GTF2H5: variants seen among roughly 807,000 people sequenced by gnomAD.
GTF2H5 encodes the protein general transcription factor IIH subunit 5, also known as TFB5 ortholog.
GTF2H5 carries 5 observed loss-of-function variants against 7.1 expected under a neutral mutation model. The observed-to-expected ratio is 0.71, with a 90% confidence interval of 0.37 to 1.49. The LOEUF is 1.49. Ranked by LOEUF, GTF2H5 falls within the 40% of genes most tolerant of loss-of-function variation. The pLI, the probability that GTF2H5 is intolerant of heterozygous loss-of-function variation, is 0.03. For synonymous variants in GTF2H5, 30 were observed against 31.7 expected (o/e 0.95, Z 0.18); for missense variants, 80 against 83.0 (o/e 0.96, Z 0.14).
chr6:158,182,643 A>G (rs749001267), intron 2 of GTF2H5, among the ~76,000 whole-genome samples: 2 of 151,744 alleles, frequency 1.3e-5, no homozygotes, highest in African/African-American at 2.4e-5. Context: ...AATCAATGAT[A>G]TCCTTTCTTC....
intron 1 of GTF2H5, among the ~76,000 whole-genome samples, chr6:158,169,935 G>A (rs1488041219): frequency 3.3e-5 from 5 of 149,812 alleles, no homozygotes; most frequent in South Asian, 2.1e-4. Flanking sequence ...TGGGAGGATC[G>A]CTTGAACCCA....
chr6:158,179,495 C>T (rs1400114210), intron 2 of GTF2H5, among the ~76,000 whole-genome samples: 2 of 151,246 alleles, frequency 1.3e-5, no homozygotes, highest in Admixed American at 1.3e-4. Context: ...ATGTTTTTCC[C>T]TTTGTGTCCT....
chr6:158,192,374 A>G lies in GTF2H5; in HGVS notation c.*217A>G, dbSNP rs1295412229. Reference sequence around the variant, plus strand: ...AAAAAAAGCTTTAACAGTTGGCTGTAATTTGGCTTTTATTATCCTTTATTA... The same window carrying G: ...AAAAAAAGCTTTAACAGTTGGCTGTGATTTGGCTTTTATTATCCTTTATTA... On this transcript the variant is annotated 3_prime_UTR_variant, in exon 3 of 3. Coordinates refer to ENST00000607778, the MANE Select transcript of GTF2H5 (RefSeq NM_207118.3). The G allele has an allele frequency of 1.9e-6, 1 of 526,066 alleles. No homozygotes were observed. The highest frequency in any genetic ancestry group is 2.2e-5 in the South Asian group (1 of 46,028). The allele number at this position is 526,066 out of a possible 1,614,324, so 32.6% of individuals were successfully genotyped here.
chr6:158,183,514 C>G (rs1713696284), intron 2 of GTF2H5, among the ~76,000 whole-genome samples: 2 of 152,206 alleles, frequency 1.3e-5, no homozygotes, highest in African/African-American at 4.8e-5. Context: ...GGCAGTAGGC[C>G]TTGCTGAGCT....
At chr6:158,190,162 C>T (rs1777002873) in intron 2 of GTF2H5, among the ~76,000 whole-genome samples, 2 of 151,954 alleles carry the variant, frequency 1.3e-5, no homozygotes, top group Non-Finnish European at 2.9e-5. Context: ...CTAGGCCTCT[C>T]GAAGTGCTGG....
intron 1 of GTF2H5, among the ~76,000 whole-genome samples, 152 bp downstream of exon 1, chr6:158,168,547 TCCTGGCGGGGCCGCACGGCAGTCCCCC>T (rs1785675730): frequency 6.6e-6 from 1 of 152,186 alleles, no homozygotes; most frequent in South Asian, 2.1e-4. Context: ...TCCGGGCCCT[TCCTGGCGGGGCCGCACGGCAGTCCCCC>T]CCTCGTTTAA....
chr6:158,172,356 G>C (rs1224862138), intron 2 of GTF2H5, among the ~76,000 whole-genome samples: 1 of 151,426 alleles, frequency 6.6e-6, no homozygotes, highest in Non-Finnish European at 1.5e-5. Flanking sequence ...TCTGTTGCCA[G>C]GTTGGAGTGC....
intron 2 of GTF2H5, among the ~76,000 whole-genome samples, chr6:158,183,453 G>A (rs1226932210): frequency 1.3e-5 from 2 of 152,218 alleles, no homozygotes; most frequent in African/African-American, 4.8e-5. Flanking sequence ...GAGAAGCTGT[G>A]TGCTGCCTTT....
chr6:158,169,462 T>TTATATATAG (rs1444112061), intron 1 of GTF2H5, among the ~76,000 whole-genome samples: 2 of 69,880 alleles, frequency 2.9e-5, no homozygotes, highest in East Asian at 4.5e-4. Flanking sequence ...ATTATATATA[T>TTATATATAG]TATATTGTAT....
chr6:158,175,217 A>C (rs1196425718), intron 2 of GTF2H5, among the ~76,000 whole-genome samples: 2 of 152,190 alleles, frequency 1.3e-5, no homozygotes, highest in Non-Finnish European at 2.9e-5. Context: ...ACAGTGAATA[A>C]GATGGGATTC....
intron 2 of GTF2H5, among the ~76,000 whole-genome samples, chr6:158,189,462 C>A (rs1179242672): frequency 6.6e-6 from 1 of 152,208 alleles, no homozygotes; most frequent in Non-Finnish European, 1.5e-5. Context: ...CTGGCCTCCT[C>A]TTCCACTGAG....
chr6:158,168,384 C>G lies in GTF2H5; in HGVS notation c.-46C>G, dbSNP rs1016795703. 6.6e-6 allele frequency: 1 copy of G among 152,386 alleles called. No homozygotes were observed. Among genetic ancestry groups the G allele is most frequent in the African/African-American group, 2.4e-5 (1 of 41,470 alleles). 9.4% of individuals were successfully genotyped at this position (152,386 alleles called of 1,614,324 possible). ...CGGCAACGCCGAGGCGCTTCTGCATCTGTGGGCCGAGGTGTGTGGCGAGCG... is the reference window on the plus strand; with the variant it reads ...CGGCAACGCCGAGGCGCTTCTGCATGTGTGGGCCGAGGTGTGTGGCGAGCG... On this transcript the variant is annotated 5_prime_UTR_variant, in exon 1 of 3. In the 5' UTR this introduces an upstream ATG that the reference lacks. Transcript: ENST00000607778.
rs1785787055 is a variant in GTF2H5 at position 158,169,686 on chromosome 6, A to ATATATAATATATAATATATTGTATAT, written c.-34-778_-34-777insATATATAATATATTGTATATTATATA. ...TATATTGTATATTATATAATATATA[A>ATATATAATATATAATATATTGTATAT]TATATATTATATAATATATTGTATA... On this transcript the variant is annotated intron_variant, in intron 1 of 2. Coordinates refer to ENST00000607778, the MANE Select transcript of GTF2H5 (RefSeq NM_207118.3). Among the ~76,000 whole-genome samples the ATATATAATATATAATATATTGTATAT allele has an allele frequency of 3.0e-4, 9 of 29,736 alleles. 2 individuals are homozygous for ATATATAATATATAATATATTGTATAT. Among genetic ancestry groups the ATATATAATATATAATATATTGTATAT allele is most frequent in the African/African-American group, 1.4e-3 (7 of 4,906 alleles). The allele number at this position is 29,736 out of a possible 152,430, so 19.5% of individuals were successfully genotyped here. A position where few individuals can be genotyped will look rare whatever the true frequency, so the allele number is the denominator to read the frequency against.
At position 158,196,886 on chromosome 6, in the gene GTF2H5, G is replaced by A. The variant is rs1777121742; in HGVS notation, c.*4729G>A. 6.6e-6 allele frequency: 1 copy of A among 152,214 alleles called. No homozygotes were observed. The allele number at this position is 152,214 out of a possible 1,614,324, so 9.4% of individuals were successfully genotyped here. A position where few individuals can be genotyped will look rare whatever the true frequency, so the allele number is the denominator to read the frequency against. On this transcript the variant is annotated 3_prime_UTR_variant, in exon 3 of 3. Transcript: ENST00000607778. ...CATGCCCTACTTGAAGAGGACCAAT[G>A]ATTAACAGCAGAAACGATAGCCAAC...
intron 2 of GTF2H5, among the ~76,000 whole-genome samples, chr6:158,190,313 CCT>C (rs1224669549): frequency 7.2e-5 from 11 of 152,206 alleles, no homozygotes; most frequent in Non-Finnish European, 1.2e-4. Flanking sequence ...TTTTCTTGTT[CCT>C]CTTTCTCAAA....
At position 158,192,897 on chromosome 6, in the gene GTF2H5, C is replaced by A. The variant is rs542469058; in HGVS notation, c.*740C>A. The A allele has an allele frequency of 2.4e-5, 3 of 126,636 alleles. No individual in the cohort carries two copies. In the East Asian group the frequency reaches 6.7e-4, roughly 28 times the overall value. The allele number at this position is 126,636 out of a possible 1,614,324, so 7.8% of individuals were successfully genotyped here. A position where few individuals can be genotyped will look rare whatever the true frequency, so the allele number is the denominator to read the frequency against. Reference sequence around the variant, plus strand: ...CACTCTGGCCTGGACAACAGAGAGACCCTGCCTCAAAAAAAAAAAAAAAAA... The same window carrying A: ...CACTCTGGCCTGGACAACAGAGAGAACCTGCCTCAAAAAAAAAAAAAAAAA... On this transcript the variant is annotated 3_prime_UTR_variant, in exon 3 of 3. Coordinates refer to ENST00000607778, the MANE Select transcript of GTF2H5 (RefSeq NM_207118.3).
intron 2 of GTF2H5, among the ~76,000 whole-genome samples, chr6:158,177,182 G>A (rs1467203420): frequency 6.6e-6 from 1 of 152,156 alleles, no homozygotes; most frequent in African/African-American, 2.4e-5. Context: ...AAACCTCTCT[G>A]CCTATATCCT....
chr6:158,187,570 TTTTG>T (rs1197510954), intron 2 of GTF2H5, among the ~76,000 whole-genome samples: 1 of 152,164 alleles, frequency 6.6e-6, no homozygotes, highest in East Asian at 1.9e-4. Context: ...ATCTCTGTTT[TTTTG>T]TTTGTTTGTT....
At chr6:158,173,988 G>A (rs922135057) in intron 2 of GTF2H5, among the ~76,000 whole-genome samples, 1 of 152,174 alleles carries the variant, frequency 6.6e-6, no homozygotes. Context: ...GTAAACTGTC[G>A]TGGTGCTGGT....
Sources: gnomAD v4.1 joint callset for allele counts (sites outside exome capture counted in the v4.1 genomes callset) on GRCh38, gnomAD v4.1.1 for gene constraint, MANE v1.5 for transcripts, NCBI Gene and HGNC (gene_info 2026-07-23, HGNC 2026-07-21) for gene names.